The following NRG3 variants were observed in gnomAD, a reference collection of about 807,000 sequenced individuals.
NRG3 encodes pro-neuregulin-3, membrane-bound isoform.
Under a neutral mutation model 66.9 loss-of-function variants are expected in NRG3, and 31 were observed. That is an observed-to-expected ratio of 0.46 (90% CI 0.35 to 0.63). The LOEUF is 0.63. NRG3 is among the 20% of genes least tolerant of loss of function. The pLI, the probability that NRG3 is intolerant of heterozygous loss-of-function variation, is 0.00. For missense variants in NRG3, 910 were observed against 878.9 expected (o/e 1.04, Z -0.45); for synonymous variants, 393 against 359.4 (o/e 1.09, Z -1.06).
Position 82,366,559 on chromosome 10 carries a change from ATAT to A in NRG3, c.953+7696_953+7698del, listed in dbSNP as rs2084537027. On this transcript the variant is annotated intron_variant, in intron 2 of 8. Transcript: ENST00000372141. ...ACGACTCTTCATGGGTTTAAAGGAA[ATAT>A]TATTTTTCCTTTCCTACTTAATCAG... Among the ~76,000 whole-genome samples the A allele has an allele frequency of 4.6e-5, 7 of 152,294 alleles. No homozygotes were observed. In the South Asian group the frequency reaches 1.2e-3, roughly 27 times the overall value.
In NRG3 at chr10:82,106,651, G is replaced by A. The variant is rs530181525; in HGVS notation, c.823+230488G>A. ...CTCCCAAGTAGCTGGGACTGCAGGCGCGCACCACCATGCCCAGCTAATTTT... is the reference window on the plus strand; with the variant it reads ...CTCCCAAGTAGCTGGGACTGCAGGCACGCACCACCATGCCCAGCTAATTTT... On this transcript the variant is annotated intron_variant, in intron 1 of 8. Transcript: ENST00000372141. Among the ~76,000 whole-genome samples the A allele has an allele frequency of 1.6e-4, 25 of 151,890 alleles. No homozygotes were observed. The East Asian group carries it at 2.1e-3, about 13-fold the overall frequency.
At chr10:82,915,350 G>A (rs1462216247) in intron 4 of NRG3, among the ~76,000 whole-genome samples, 1 of 152,162 alleles carries the variant, frequency 6.6e-6, no homozygotes, top group African/African-American at 2.4e-5. Context: ...TGCCAAAAAA[G>A]AAACTAGGAG....
intron 1 of NRG3, among the ~76,000 whole-genome samples, chr10:81,929,025 G>T (rs1847086982): frequency 6.6e-6 from 1 of 152,018 alleles, no homozygotes; most frequent in Admixed American, 6.6e-5. Flanking sequence ...ACAAAGTCTT[G>T]CTATGTTGCC....
intron 1 of NRG3, among the ~76,000 whole-genome samples, chr10:82,090,102 A>G (rs151087282): frequency 1.3e-5 from 2 of 152,234 alleles, no homozygotes; most frequent in Non-Finnish European, 2.9e-5. Context: ...AGTGAAGTAC[A>G]GTCCTGTAAC....
At chr10:82,715,193 G>A (rs1303988361) in intron 2 of NRG3, among the ~76,000 whole-genome samples, 1 of 152,060 alleles carries the variant, frequency 6.6e-6, no homozygotes, top group Non-Finnish European at 1.5e-5. Flanking sequence ...CCAGGAGTTC[G>A]AGACCAGCCT....
chr10:82,086,512 T>G (rs959191023), intron 1 of NRG3, among the ~76,000 whole-genome samples: 4 of 152,134 alleles, frequency 2.6e-5, no homozygotes, highest in African/African-American at 7.2e-5. Context: ...CAGTCCAACC[T>G]GGTTTTCAGT....
chr10:82,831,467 TTG>T (rs1259486772), intron 3 of NRG3, among the ~76,000 whole-genome samples: 3 of 152,176 alleles, frequency 2.0e-5, no homozygotes, highest in Non-Finnish European at 4.4e-5. Flanking sequence ...ACAGTTTTTT[TTG>T]TGTGTGTTTT....
intron 1 of NRG3, among the ~76,000 whole-genome samples, chr10:82,265,761 G>A (rs2078264147): frequency 6.6e-6 from 1 of 152,106 alleles, no homozygotes; most frequent in Admixed American, 6.5e-5. Flanking sequence ...AGAGGATGGT[G>A]GTGGGGAGGC....
chr10:82,409,030 G>A (rs1476658988), intron 2 of NRG3, among the ~76,000 whole-genome samples: 5 of 152,130 alleles, frequency 3.3e-5, no homozygotes, highest in Non-Finnish European at 5.9e-5. Flanking sequence ...GGAAACCTAG[G>A]TGGCCCCATG....
At chr10:81,977,218 T>A (rs2060157216) in intron 1 of NRG3, among the ~76,000 whole-genome samples, 2 of 152,202 alleles carry the variant, frequency 1.3e-5, no homozygotes, top group African/African-American at 2.4e-5. Context: ...TAACAATCTT[T>A]AGACCTGTAT....
chr10:82,347,803 T>A (rs2083132171), intron 1 of NRG3, among the ~76,000 whole-genome samples: 1 of 152,144 alleles, frequency 6.6e-6, no homozygotes, highest in Non-Finnish European at 1.5e-5. Flanking sequence ...GTTGAATTGA[T>A]CCCTTTACCA....
intron 1 of NRG3, among the ~76,000 whole-genome samples, chr10:81,992,063 C>A (rs1351429975): frequency 6.6e-6 from 1 of 151,988 alleles, no homozygotes; most frequent in East Asian, 1.9e-4. Flanking sequence ...GCAAAGAAAA[C>A]AAAATTCCAT....
At chr10:82,859,738 C>A (rs542312960) in intron 3 of NRG3, among the ~76,000 whole-genome samples, 1 of 152,292 alleles carries the variant, frequency 6.6e-6, no homozygotes, top group East Asian at 1.9e-4. Context: ...TAACAGAATA[C>A]ATTTTAAATG....
intron 2 of NRG3, among the ~76,000 whole-genome samples, chr10:82,526,378 G>C (rs544350724): frequency 1.8e-3 from 273 of 151,618 alleles, no homozygotes; most frequent in African/African-American, 6.2e-3. Context: ...ACACAGGGTG[G>C]TTGAAAAAAT....
intron 4 of NRG3, among the ~76,000 whole-genome samples, chr10:82,941,046 C>T (rs1362477303): frequency 6.6e-6 from 1 of 152,082 alleles, no homozygotes; most frequent in East Asian, 1.9e-4. Flanking sequence ...CTGAATAACA[C>T]AGTGTAAAAG....
intron 1 of NRG3, among the ~76,000 whole-genome samples, chr10:81,882,152 T>A (rs1842237257): frequency 6.6e-6 from 1 of 152,220 alleles, no homozygotes; most frequent in Admixed American, 6.5e-5. Context: ...AACTGAGTAC[T>A]GTAAAGTGCA....
At chr10:82,623,725 T>C (rs1201579937) in intron 2 of NRG3, among the ~76,000 whole-genome samples, 1 of 152,122 alleles carries the variant, frequency 6.6e-6, no homozygotes, top group East Asian at 1.9e-4. Flanking sequence ...AATTTGAAAA[T>C]AATTATGACA....
At chr10:82,159,207 G>A (rs1322635236) in intron 1 of NRG3, among the ~76,000 whole-genome samples, 1 of 151,866 alleles carries the variant, frequency 6.6e-6, no homozygotes, top group Non-Finnish European at 1.5e-5. Flanking sequence ...GTTCAATGAT[G>A]TATATGCAAG....
intron 1 of NRG3, among the ~76,000 whole-genome samples, chr10:82,323,995 G>C (rs764776698): frequency 4.6e-5 from 7 of 152,106 alleles, no homozygotes; most frequent in African/African-American, 1.7e-4. Flanking sequence ...CTCCTGAGTA[G>C]CTTGGATTAC....
Sources: gnomAD v4.1 joint callset for allele counts (sites outside exome capture counted in the v4.1 genomes callset) on GRCh38, gnomAD v4.1.1 for gene constraint, MANE v1.5 for transcripts, NCBI Gene and HGNC (gene_info 2026-07-23, HGNC 2026-07-21) for gene names.